XPNPEP3: variants seen among roughly 807,000 people sequenced by gnomAD.
The protein encoded by XPNPEP3 is X-prolyl aminopeptidase 3.
A neutral mutation model predicts 60.0 loss-of-function variants in XPNPEP3; 41 were observed. The observed-to-expected ratio is 0.68, with a 90% CI of 0.53 to 0.89. The LOEUF is 0.89. Among genes scored for constraint, XPNPEP3 ranks in the 40% least tolerant of loss-of-function variants. The pLI is 0.00. For missense variants in XPNPEP3, 598 were observed against 638.9 expected (o/e 0.94, Z 0.69); for synonymous variants, 212 against 223.2 (o/e 0.95, Z 0.45).
intron 2 of XPNPEP3, among the ~76,000 whole-genome samples, chr22:40,870,950 A>G (rs1201016594): frequency 1.3e-5 from 2 of 152,076 alleles, no homozygotes; most frequent in Non-Finnish European, 2.9e-5. Context: ...AATCACCTGA[A>G]TCTGGGAGGC....
At chr22:40,869,211 G>A in intron 2 of XPNPEP3, 96 bp downstream of exon 2, 1 of 1,088,268 alleles carries the variant, frequency 9.2e-7, no homozygotes, top group Non-Finnish European at 1.4e-6. Flanking sequence ...GATCTGTGCT[G>A]TTCCATAAGG....
chr22:40,864,125 T>C (rs566245661), intron 1 of XPNPEP3, among the ~76,000 whole-genome samples: 2 of 152,396 alleles, frequency 1.3e-5, no homozygotes, highest in South Asian at 4.1e-4. Context: ...CCCCAAGGGC[T>C]GCTGGTTGCC....
intron 7 of XPNPEP3, among the ~76,000 whole-genome samples, chr22:40,918,209 C>T (rs2058203581): frequency 6.6e-6 from 1 of 151,768 alleles, no homozygotes; most frequent in Non-Finnish European, 1.5e-5. Context: ...TCTATATCTA[C>T]AAAAAATACA....
At chr22:40,916,308 A>G (rs184351863) in intron 7 of XPNPEP3, among the ~76,000 whole-genome samples, 228 of 152,222 alleles carry the variant, frequency 1.5e-3, no homozygotes, top group African/African-American at 5.2e-3. Flanking sequence ...AGGAAAAAAA[A>G]AAAGAAAGAA....
In XPNPEP3 at chr22:40,926,948, C is replaced by A; in HGVS notation, c.*513C>A. 4.7e-6 allele frequency: 1 copy of A among 212,594 alleles called. No homozygotes were observed. Among genetic ancestry groups the A allele is most frequent in the Non-Finnish European group, 9.6e-6 (1 of 104,462 alleles). 13.2% of individuals were successfully genotyped at this position (212,594 alleles called of 1,614,324 possible). ...ACATACCTTCTGTAACTCCTCCCTA[C>A]CTATTCTAGATCCTGCATATCTACT... On this transcript the variant is annotated 3_prime_UTR_variant, in exon 10 of 10. Transcript: ENST00000357137.
At chr22:40,868,384 C>T (rs2145774233) in intron 1 of XPNPEP3, among the ~76,000 whole-genome samples, 1 of 151,998 alleles carries the variant, frequency 6.6e-6, no homozygotes, top group South Asian at 2.1e-4. Context: ...TTCCTTTCTT[C>T]TGTTTTCATA....
rs1471008631 is a variant in XPNPEP3, at chr22:40,914,307, G to A, written c.1038G>A (p.Thr346=). 22 of 1,613,830 alleles carry A rather than the reference G, an allele frequency of 1.4e-5. No homozygotes were observed. The highest frequency in any genetic ancestry group is 1.9e-5 in the Non-Finnish European group (22 of 1,179,970). ...SSCYVSDITR[T]WPVNGRFTAP... ...GCTATGTGAGTGACATCACACGTACGTGGCCAGTCAATGGCAGGTAGGGCT... is the reference window on the plus strand; with the variant it reads ...GCTATGTGAGTGACATCACACGTACATGGCCAGTCAATGGCAGGTAGGGCT... The change falls in exon 7 of 10, where the codon ACG becomes ACA. Residue 346 remains threonine, a synonymous_variant. Transcript: ENST00000357137.
intron 3 of XPNPEP3, among the ~76,000 whole-genome samples, chr22:40,884,940 A>C (rs1006327865): frequency 2.0e-5 from 3 of 151,452 alleles, no homozygotes; most frequent in African/African-American, 7.3e-5. Flanking sequence ...AGGCAGGGGA[A>C]TTGCTTGAAC....
chr22:40,880,201 T>C (rs181869116), intron 2 of XPNPEP3, among the ~76,000 whole-genome samples: 1 of 151,972 alleles, frequency 6.6e-6, no homozygotes, highest in East Asian at 1.9e-4. Context: ...ACAAAGATAT[T>C]TATTATAGCA....
At chr22:40,871,908 C>T (rs2058007451) in intron 2 of XPNPEP3, among the ~76,000 whole-genome samples, 1 of 152,158 alleles carries the variant, frequency 6.6e-6, no homozygotes, top group Admixed American at 6.5e-5. Flanking sequence ...TGGCGCATGC[C>T]TGTAGTCCCA....
At chr22:40,907,102 C>T (rs1315044554) in intron 4 of XPNPEP3, 1 of 456,148 alleles carries the variant, frequency 2.2e-6, no homozygotes, top group East Asian at 6.9e-5. Flanking sequence ...ACATTCAAGT[C>T]AAAGCAAAAT....
intron 4 of XPNPEP3, among the ~76,000 whole-genome samples, chr22:40,890,380 A>G (rs1218864203): frequency 1.3e-5 from 2 of 149,778 alleles, no homozygotes; most frequent in African/African-American, 2.5e-5. Context: ...AGACCCCCCC[A>G]TCTCTACAAA....
chr22:40,902,492 C>T (rs575078029), intron 4 of XPNPEP3, among the ~76,000 whole-genome samples: 11 of 152,160 alleles, frequency 7.2e-5, no homozygotes, highest in African/African-American at 2.4e-4. Flanking sequence ...CCTCGTGATC[C>T]GCCCACCTCG....
At chr22:40,887,290 C>T (rs1384661136) in intron 4 of XPNPEP3, among the ~76,000 whole-genome samples, 1 of 152,196 alleles carries the variant, frequency 6.6e-6, no homozygotes, top group African/African-American at 2.4e-5. Flanking sequence ...GTGCAGGCTT[C>T]TCTGGTCCTC....
intron 7 of XPNPEP3, 22 bp from the exon 8 acceptor site, chr22:40,922,311 T>A: frequency 6.2e-7 from 1 of 1,613,638 alleles, no homozygotes; most frequent in Non-Finnish European, 8.5e-7. Context: ...AAGTTCAGGT[T>A]CTTTGGTTTT....
chr22:40,876,056 T>G (rs910924022), intron 2 of XPNPEP3, among the ~76,000 whole-genome samples: 1 of 152,036 alleles, frequency 6.6e-6, no homozygotes, highest in Non-Finnish European at 1.5e-5. Flanking sequence ...GTATTTCTCT[T>G]TTTTACCTTT....
chr22:40,926,423 C>T lies in XPNPEP3; in HGVS notation c.1512C>T (p.Ser504=). The T allele has an allele frequency of 1.2e-6, 2 of 1,614,102 alleles. No homozygotes were observed. Among genetic ancestry groups the T allele is most frequent in the Non-Finnish European group, 1.7e-6 (2 of 1,180,034 alleles). The change falls in exon 10 of 10, where the codon AGC becomes AGT. Residue 504 remains serine (S), a synonymous_variant. Coordinates refer to ENST00000357137, the MANE Select transcript of XPNPEP3 (RefSeq NM_022098.4). The stretch of plus-strand genomic sequence containing the variant: ...TGAATGACATTGAACAGATATGCAG[C>T]CAGGCTTCTTGACCTTCACTGCGGC... ...KEMNDIEQIC[S]QAS is the part of the protein sequence containing the mutation.
chr22:40,920,322 A>G (rs1051979880), intron 7 of XPNPEP3, among the ~76,000 whole-genome samples: 1 of 152,150 alleles, frequency 6.6e-6, no homozygotes, highest in African/African-American at 2.4e-5. Flanking sequence ...GTGAGCCGAG[A>G]TCGCACCACT....
At position 40,857,166 on chromosome 22, in the gene XPNPEP3, C is replaced by A; in HGVS notation, c.-16C>A. ...CGTTACCCTCTTTCTCTTCCCGACG[C>A]GTGAGTTAGGCCGTAATGCCTTGGC... is the stretch of plus-strand genomic sequence containing the variant. On this transcript the variant is annotated 5_prime_UTR_variant, in exon 1 of 10. Transcript: ENST00000357137. 1.2e-6 allele frequency: 2 copies of A among 1,614,094 alleles called. No homozygotes were observed. The highest frequency in any genetic ancestry group is 1.7e-6 in the Non-Finnish European group (2 of 1,179,986).
Sources: allele counts gnomAD v4.1 joint callset (sites outside exome capture counted in the v4.1 genomes callset), GRCh38; gene constraint gnomAD v4.1.1; transcripts MANE v1.5; gene names NCBI Gene and HGNC (gene_info 2026-07-23, HGNC 2026-07-21).